The following CACNA1S variants were observed in gnomAD, a reference collection of about 807,000 sequenced individuals.
The protein encoded by CACNA1S is voltage-dependent L-type calcium channel subunit alpha-1S.
Under a neutral mutation model 207.4 loss-of-function variants are expected in CACNA1S, and 126 were observed. The ratio of observed to expected loss-of-function variants is 0.61; its 90% CI spans 0.53 to 0.70. CACNA1S has a LOEUF of 0.70. Ranked by LOEUF, CACNA1S falls within the 30% of genes least tolerant of loss-of-function variation. The probability of loss-of-function intolerance (pLI) is 0.00; values close to 1 mark genes in which losing one functional copy is unlikely to be tolerated. For synonymous variants in CACNA1S, 960 were observed against 932.7 expected (o/e 1.03, Z -0.53); for missense variants, 2,349 against 2,422.8 (o/e 0.97, Z 0.64).
Position 201,084,989 on chromosome 1 carries a change from A to T in CACNA1S, c.1193T>A (p.Leu398Gln), listed in dbSNP as rs879255337. ...LDEGGSDTES[L>Q]YEIAGLNKII... ...TTTGTTCAAGCCTGCAATTTCATAC[A>T]GGCTCTCTGTGTCAGAGCCACCTTC... is the stretch of plus-strand genomic sequence containing the variant. Residue 398 changes from leucine to glutamine, a missense_variant, in exon 9 of 44, where the codon CTG becomes CAG. Leu to Gln is a moderately radical substitution (Grantham distance 113, BLOSUM62 -2). Coordinates refer to ENST00000362061, the MANE Select transcript of CACNA1S (RefSeq NM_000069.3). 1 of 1,612,854 alleles carries T rather than the reference A, an allele frequency of 6.2e-7. No individual in the cohort carries two copies. The highest frequency in any genetic ancestry group is 8.5e-7 in the Non-Finnish European group (1 of 1,179,924).
At chr1:201,069,639 G>A (rs1661382695) in intron 17 of CACNA1S, 38 bp from the exon 18 acceptor site, 1 of 1,549,478 alleles carries the variant, frequency 6.5e-7, no homozygotes, top group Non-Finnish European at 8.7e-7. Context: ...GGAGCTGTGA[G>A]CTGCTGGAGG....
intron 27 of CACNA1S, among the ~76,000 whole-genome samples, chr1:201,058,913 G>A (rs1391900967): frequency 2.0e-5 from 3 of 152,166 alleles, no homozygotes; most frequent in Non-Finnish European, 4.4e-5. Context: ...CCCAGCCCTG[G>A]GACTGTTCTT....
At chr1:201,081,322 T>G (rs942002144) in intron 10 of CACNA1S, among the ~76,000 whole-genome samples, 9 of 152,248 alleles carry the variant, frequency 5.9e-5, no homozygotes, top group Non-Finnish European at 1.3e-4. Flanking sequence ...AGACTTCCTT[T>G]TCATTCCAGG....
chr1:201,052,140 A>G (rs930593337), intron 32 of CACNA1S, among the ~76,000 whole-genome samples: 2 of 152,212 alleles, frequency 1.3e-5, no homozygotes, highest in Non-Finnish European at 2.9e-5. Flanking sequence ...GGCCAAGCAT[A>G]GGCCCCTGCG....
chr1:201,091,830 C>T (rs1354396265), intron 4 of CACNA1S, 38 bp from the exon 5 acceptor site: 3 of 1,602,202 alleles, frequency 1.9e-6, no homozygotes. Flanking sequence ...GAGGAGTCGC[C>T]TCTGCTTGGT....
chr1:201,069,729 G>A, intron 17 of CACNA1S, 128 bp from the exon 18 acceptor site: 1 of 1,137,568 alleles, frequency 8.8e-7, no homozygotes. Context: ...GAGAAGTGCA[G>A]CCCTGCACCT....
intron 5 of CACNA1S, among the ~76,000 whole-genome samples, chr1:201,091,428 T>C (rs1662227077): frequency 6.6e-6 from 1 of 152,178 alleles, no homozygotes; most frequent in African/African-American, 2.4e-5. Context: ...GAACCAGCCA[T>C]GGCCCAGGCC....
intron 10 of CACNA1S, among the ~76,000 whole-genome samples, chr1:201,078,548 A>C (rs1263452947): frequency 6.8e-6 from 1 of 147,032 alleles, no homozygotes; most frequent in Non-Finnish European, 1.5e-5. Context: ...AACCCGGTAA[A>C]TTTTGCCCAT....
chr1:201,087,452 G>A (rs1312410587), intron 7 of CACNA1S, among the ~76,000 whole-genome samples: 2 of 152,198 alleles, frequency 1.3e-5, no homozygotes, highest in East Asian at 3.9e-4. Context: ...CCAGGAGGCT[G>A]GAGTTTCAGG....
At chr1:201,048,835 G>T in intron 35 of CACNA1S, 151 bp from the exon 36 acceptor site, 1 of 837,354 alleles carries the variant, frequency 1.2e-6, no homozygotes, top group Non-Finnish European at 2.0e-6. Context: ...GGGACAGAAT[G>T]ATGAGTTGGG....
intron 36 of CACNA1S, 78 bp downstream of exon 36, chr1:201,048,504 T>C: frequency 8.2e-7 from 1 of 1,221,308 alleles, no homozygotes; most frequent in Non-Finnish European, 1.2e-6. Context: ...AATCTTGAGC[T>C]CTGAGAATCT....
At chr1:201,040,454 G>T in intron 42 of CACNA1S, 80 bp from the exon 43 acceptor site, 2 of 1,568,054 alleles carry the variant, frequency 1.3e-6, no homozygotes, top group South Asian at 1.1e-5. Context: ...ATCATCTGAG[G>T]GCAACTCAAC....
chr1:201,050,600 G>A, intron 33 of CACNA1S, 84 bp from the exon 34 acceptor site: 2 of 1,520,030 alleles, frequency 1.3e-6, no homozygotes, highest in Non-Finnish European at 1.8e-6. Context: ...GTGTCCACTG[G>A]CCCACAACTT....
intron 42 of CACNA1S, 112 bp from the exon 43 acceptor site, chr1:201,040,486 G>A: frequency 6.9e-7 from 1 of 1,458,084 alleles, no homozygotes; most frequent in Non-Finnish European, 9.5e-7. Flanking sequence ...GAAAGGGGAG[G>A]ATGGAGGGAT....
At position 201,066,056 on chromosome 1, in the gene CACNA1S, G is replaced by A. The variant is rs1661227393; in HGVS notation, c.2746-111C>T. On this transcript the variant is annotated intron_variant, in intron 21 of 43. Transcript: ENST00000362061. The surrounding 1 kb of genome is among the most constrained non-coding windows in gnomAD (Gnocchi z 4.3). ...CTTGCTGCCTCCTGATGAGTTGGAG[G>A]TGGGGAAAGGCTGGTGGGGAAGCAT... 3.2e-6 allele frequency: 3 copies of A among 942,276 alleles called. No homozygotes were observed. The East Asian group carries it at 7.8e-5, about 25-fold the overall frequency. 58.4% of individuals were successfully genotyped at this position (942,276 alleles called of 1,614,324 possible). A position where few individuals can be genotyped will look rare whatever the true frequency, so the allele number is the denominator to read the frequency against.
chr1:201,041,430 TA>T, intron 41 of CACNA1S, 73 bp downstream of exon 41: 1 of 1,187,866 alleles, frequency 8.4e-7, no homozygotes, highest in Non-Finnish European at 1.2e-6. Context: ...TCCCAGACTC[TA>T]AGAAAAGAGT....
chr1:201,081,338 T>C (rs1661832507), intron 10 of CACNA1S, among the ~76,000 whole-genome samples: 1 of 152,234 alleles, frequency 6.6e-6, no homozygotes. Flanking sequence ...CCAGGAAACA[T>C]CATTCTTATG....
In CACNA1S at chr1:201,058,723, G is replaced by C. The variant is rs58124792; in HGVS notation, c.3526-232C>G. Among the ~76,000 whole-genome samples, 128 of 152,228 alleles carry C rather than the reference G, an allele frequency of 8.4e-4. 1 individual carries two copies. The highest frequency in any genetic ancestry group is 2.8e-3 in the African/African-American group (118 of 41,522). On this transcript the variant is annotated intron_variant, in intron 27 of 43. Transcript: ENST00000362061. ...CCTCCAGAGCAGAAAGTAGTGGTGG[G>C]GGGGAGGGGAGAATTGTTGGGAACT...
chr1:201,074,700 G>T, intron 13 of CACNA1S, 80 bp from the exon 14 acceptor site: 1 of 857,382 alleles, frequency 1.2e-6, no homozygotes, highest in South Asian at 1.4e-5. Flanking sequence ...GCCTGCATGT[G>T]GGCAGGACCT....
Sources: allele counts gnomAD v4.1 joint callset (sites outside exome capture counted in the v4.1 genomes callset), GRCh38; gene constraint gnomAD v4.1.1; non-coding constraint Gnocchi (gnomAD v3.1); transcripts MANE v1.5; gene names NCBI Gene and HGNC (gene_info 2026-07-23, HGNC 2026-07-21).